TGFBR2: variants seen among roughly 807,000 people sequenced by gnomAD.
TGFBR2 encodes TGF-beta receptor type-2.
In TGFBR2, 18 loss-of-function variants were observed where a neutral mutation model predicts 49.0. The observed-to-expected ratio is 0.37, with a 90% confidence interval of 0.25 to 0.54. TGFBR2 has a LOEUF of 0.54. TGFBR2 is among the 20% of genes least tolerant of loss of function. TGFBR2 has a pLI of 0.85. For missense variants in TGFBR2, 525 were observed against 722.6 expected, an observed-to-expected ratio of 0.73 and a Z score of 3.13; for synonymous variants, 282 against 275.9, an observed-to-expected ratio of 1.02 and a Z score of -0.22.
intron 1 of TGFBR2, among the ~76,000 whole-genome samples, chr3:30,634,565 G>T (rs1698494652): frequency 6.6e-6 from 1 of 152,140 alleles, no homozygotes; most frequent in Non-Finnish European, 1.5e-5. Context: ...GACTAATTTT[G>T]CTGGTAAGTA....
At chr3:30,623,868 G>A (rs992243357) in intron 1 of TGFBR2, among the ~76,000 whole-genome samples, 3 of 152,192 alleles carry the variant, frequency 2.0e-5, no homozygotes, top group African/African-American at 4.8e-5. Context: ...GAGGTTGGGC[G>A]CTGTGGCTCA....
chr3:30,661,843 C>T (rs951677606), intron 3 of TGFBR2, among the ~76,000 whole-genome samples: 2 of 152,114 alleles, frequency 1.3e-5, no homozygotes, highest in Non-Finnish European at 1.5e-5. Context: ...AAATAGCAAG[C>T]GTGGTTTCAG....
intron 5 of TGFBR2, among the ~76,000 whole-genome samples, chr3:30,686,206 C>G (rs918551843): frequency 1.3e-5 from 2 of 152,278 alleles, no homozygotes; most frequent in Middle Eastern, 3.4e-3. Flanking sequence ...CGATTTTAGG[C>G]ACTGAGCAGA....
chr3:30,650,154 A>G (rs1698851916), intron 2 of TGFBR2, 116 bp from the exon 3 acceptor site: 21 of 1,070,108 alleles, frequency 2.0e-5, no homozygotes, highest in Non-Finnish European at 3.0e-5. Context: ...TGTTAGGAAC[A>G]ACTTCATGAA....
chr3:30,612,487 G>T (rs185066156), intron 1 of TGFBR2, among the ~76,000 whole-genome samples: 1 of 152,256 alleles, frequency 6.6e-6, no homozygotes, highest in African/African-American at 2.4e-5. Context: ...CAGTGCTCCT[G>T]ATTTAATTGA....
intron 1 of TGFBR2, among the ~76,000 whole-genome samples, chr3:30,618,231 G>GTTT (rs397971432): frequency 1.6e-5 from 2 of 128,758 alleles, no homozygotes; most frequent in Non-Finnish European, 3.4e-5. Flanking sequence ...TTTCTTTCTT[G>GTTT]TTTTTTTTTT....
chr3:30,654,446 G>A (rs1698958548), intron 3 of TGFBR2, among the ~76,000 whole-genome samples: 1 of 152,296 alleles, frequency 6.6e-6, no homozygotes, highest in African/African-American at 2.4e-5. Context: ...GTGACCAAGG[G>A]CAGGCAGGGG....
chr3:30,656,034 G>A (rs1206336810), intron 3 of TGFBR2, among the ~76,000 whole-genome samples: 1 of 152,178 alleles, frequency 6.6e-6, no homozygotes, highest in Non-Finnish European at 1.5e-5. Flanking sequence ...TGAAGTGTGA[G>A]AAGCACTGGT....
At chr3:30,629,074 G>C (rs982939769) in intron 1 of TGFBR2, among the ~76,000 whole-genome samples, 1 of 152,128 alleles carries the variant, frequency 6.6e-6, no homozygotes, top group Non-Finnish European at 1.5e-5. Context: ...TTCGTTTTCA[G>C]ATCTCCTCAG....
At chr3:30,678,805 G>C (rs1256745544) in intron 5 of TGFBR2, among the ~76,000 whole-genome samples, 1 of 152,112 alleles carries the variant, frequency 6.6e-6, no homozygotes, top group East Asian at 1.9e-4. Context: ...TAACCTCTCT[G>C]TTCCCAGTTG....
At chr3:30,683,441 C>T (rs887346088) in intron 5 of TGFBR2, among the ~76,000 whole-genome samples, 5 of 152,056 alleles carry the variant, frequency 3.3e-5, no homozygotes, top group African/African-American at 1.2e-4. Flanking sequence ...GCCTTTATTC[C>T]CAATGAATTG....
At chr3:30,628,929 A>T (rs1698387269) in intron 1 of TGFBR2, among the ~76,000 whole-genome samples, 1 of 152,140 alleles carries the variant, frequency 6.6e-6, no homozygotes, top group African/African-American at 2.4e-5. Flanking sequence ...CAGTCATTTA[A>T]TACGAGACTC....
rs369255287 is a variant in TGFBR2 at position 30,668,876 on chromosome 3, T to C, written c.455-2762T>C. On this transcript the variant is annotated intron_variant, in intron 3 of 6. Transcript: ENST00000295754. ...ATCTAGAATATATAGTCAGTGGAAG[T>C]TGGCATTTCCACTCAGACTTACCTT... Among the ~76,000 whole-genome samples, 172 of 152,122 alleles carry C rather than the reference T, an allele frequency of 1.1e-3. 2 individuals are homozygous for C. In the Middle Eastern group the frequency reaches 0.017, roughly 15 times the overall value.
chr3:30,677,553 C>T (rs1279819195), intron 5 of TGFBR2, among the ~76,000 whole-genome samples: 1 of 152,220 alleles, frequency 6.6e-6, no homozygotes. Context: ...CTTCTCCCAC[C>T]TTGACTTCTT....
At position 30,644,882 on chromosome 3, in the gene TGFBR2, G is replaced by A. The variant is rs2125404876; in HGVS notation, c.230G>A (p.Cys77Tyr). ...CMSNCSITSI[C>Y]EKPQEVCVAV... is the part of the protein sequence containing the mutation. ...AGCAACTGCAGCATCACCTCCATCT[G>A]TGAGAAGCCACAGGAAGTCTGTGTG... is the stretch of plus-strand genomic sequence containing the variant. The change falls in exon 2 of 7, where the codon TGT becomes TAT. Residue 77 changes from cysteine (C) to tyrosine (Y), a missense_variant. By Grantham distance (194) the Cys-to-Tyr change is radical. Around this residue, in one of 3 missense-constraint regions of TGFBR2, gnomAD observed 376 missense variants for 478.2 expected, o/e 0.79. Coordinates refer to ENST00000295754, the MANE Select transcript of TGFBR2 (RefSeq NM_003242.6). The A allele has an allele frequency of 6.2e-7, 1 of 1,614,160 alleles. No homozygotes were observed. The highest frequency in any genetic ancestry group is 8.5e-7 in the Non-Finnish European group (1 of 1,180,006).
intron 1 of TGFBR2, among the ~76,000 whole-genome samples, chr3:30,617,967 A>C (rs1698160890): frequency 6.6e-6 from 1 of 152,238 alleles, no homozygotes; most frequent in Admixed American, 6.5e-5. Flanking sequence ...AGTGGATCAC[A>C]TCAGGCTTGT....
chr3:30,618,231 GTT>G (rs397971432), intron 1 of TGFBR2, among the ~76,000 whole-genome samples: 8 of 128,720 alleles, frequency 6.2e-5, no homozygotes, highest in Admixed American at 7.8e-5. Context: ...TTTCTTTCTT[GTT>G]TTTTTTTTTT....
intron 1 of TGFBR2, among the ~76,000 whole-genome samples, chr3:30,638,287 G>C (rs1019112112): frequency 6.6e-6 from 1 of 152,204 alleles, no homozygotes; most frequent in Non-Finnish European, 1.5e-5. Flanking sequence ...ATAAGGCATT[G>C]TCATTTCACA....
In TGFBR2 at chr3:30,663,034, G is replaced by C. The variant is rs1699165987; in HGVS notation, c.455-8604G>C. ...TTCCCAGGGGATGCTGATGACTGCT[G>C]GTCTGCGGGCACACTTAGAATAACG... On this transcript the variant is annotated intron_variant, in intron 3 of 6. Transcript: ENST00000295754. 1.3e-5 allele frequency among the ~76,000 whole-genome samples: 2 copies of C among 152,232 alleles called. 1 individual carries two copies. Among genetic ancestry groups the C allele is most frequent in the South Asian group, 4.2e-4 (2 of 4,818 alleles).
Sources: allele counts gnomAD v4.1 joint callset (sites outside exome capture counted in the v4.1 genomes callset), GRCh38; gene constraint gnomAD v4.1.1; regional missense constraint gnomAD v4.1.1; transcripts MANE v1.5; gene names NCBI Gene and HGNC (gene_info 2026-07-23, HGNC 2026-07-21).